Variants in CHGB observed in about 807,000 individuals in gnomAD.
The protein encoded by CHGB is chromogranin B.
CHGB carries 46 observed loss-of-function variants against 69.9 expected under a neutral mutation model. That is an observed-to-expected ratio of 0.66 (90% CI 0.52 to 0.84). The LOEUF (loss-of-function observed/expected upper bound fraction) is 0.84. Ranked by LOEUF, CHGB falls within the 40% of genes least tolerant of loss-of-function variation. CHGB has a pLI of 0.00. For missense variants in CHGB, 796 were observed against 822.2 expected (o/e 0.97, Z 0.39); for synonymous variants, 312 against 298.2 (o/e 1.05, Z -0.48).
At chr20:5,919,629 C>T (rs189964020) in intron 3 of CHGB, among the ~76,000 whole-genome samples, 151 of 152,296 alleles carry the variant, frequency 9.9e-4, no homozygotes, top group African/African-American at 3.6e-3. Flanking sequence ...ATTTTCATAT[C>T]GCCTCTGAAT....
At chr20:5,918,810 TAAAAAAAAAAAAAAAAAAAAA>T (rs71182109) in intron 3 of CHGB, among the ~76,000 whole-genome samples, 19 of 31,456 alleles carry the variant, frequency 6.0e-4, no homozygotes, top group South Asian at 2.3e-3. Flanking sequence ...AGTCTCTGTC[TAAAAAAAAAAAAAAAAAAAAA>T]AAAAAAAAAA....
chr20:5,924,527 G>A (rs1400560205), intron 4 of CHGB, among the ~76,000 whole-genome samples: 1 of 152,158 alleles, frequency 6.6e-6, no homozygotes, highest in African/African-American at 2.4e-5. Flanking sequence ...CCTGAGGCAG[G>A]GAGAATAGGT....
Position 5,923,968 on chromosome 20 carries a change from C to A in CHGB, c.1824C>A (p.Asp608Glu), listed in dbSNP as rs761869887. Residue 608 changes from aspartate to glutamate, a missense_variant, in exon 4 of 5, where the codon GAC becomes GAA. Physicochemically the swap from Asp to Glu is conservative, Grantham distance 45. Coordinates refer to ENST00000378961, the MANE Select transcript of CHGB (RefSeq NM_001819.3). ...AATATGACAGGGTGGCCCAACTGGACCAGCTCCTTCACTACAGGAAGAAGT... is the reference window on the plus strand; with the variant it reads ...AATATGACAGGGTGGCCCAACTGGAACAGCTCCTTCACTACAGGAAGAAGT... ...KRQYDRVAQL[D>E]QLLHYRKKSA... The A allele has an allele frequency of 6.2e-7, 1 of 1,614,038 alleles. No individual in the cohort carries two copies. The highest frequency in any genetic ancestry group is 1.1e-5 in the South Asian group (1 of 91,074).
At chr20:5,914,320 C>T (rs1201210838) in intron 1 of CHGB, among the ~76,000 whole-genome samples, 1 of 151,884 alleles carries the variant, frequency 6.6e-6, no homozygotes, top group East Asian at 1.9e-4. Context: ...AAAAGCAGAC[C>T]CTAGTTTTTT....
Position 5,925,110 on chromosome 20 carries a change from C to G in CHGB, c.*61C>G. ...CCATCACATGATCTGTTTTTCACCA[C>G]TTCACTGAAAGACACCATTTATCTA... On this transcript the variant is annotated 3_prime_UTR_variant, in exon 5 of 5. Coordinates refer to ENST00000378961, the MANE Select transcript of CHGB (RefSeq NM_001819.3). The G allele has an allele frequency of 1.8e-6, 2 of 1,128,800 alleles. No homozygotes were observed. Among genetic ancestry groups the G allele is most frequent in the South Asian group, 1.4e-5 (1 of 73,404 alleles). 69.9% of individuals were successfully genotyped at this position (1,128,800 alleles called of 1,614,324 possible). A position where few individuals can be genotyped will look rare whatever the true frequency, so the allele number is the denominator to read the frequency against.
rs1427971605 is a variant in CHGB, at chr20:5,923,053, A to G, written c.909A>G (p.Glu303=). ...AAGGAGGGAGTCTTCCCTCTGAGGA[A>G]AAGGGACACCCCCAGGAGGAATCTG... The part of the protein sequence containing the change: ...SSQGGSLPSE[E]KGHPQEESEE... The change falls in exon 4 of 5, where the codon GAA becomes GAG. Residue 303 remains glutamate, a synonymous_variant. Transcript: ENST00000378961. The G allele has an allele frequency of 3.7e-6, 6 of 1,613,864 alleles. No homozygotes were observed. The African/African-American group carries it at 8.0e-5, about 22-fold the overall frequency.
intron 4 of CHGB, 84 bp from the exon 5 acceptor site, chr20:5,924,888 T>A: frequency 1.3e-6 from 1 of 762,268 alleles, no homozygotes. Context: ...TGCCTAAAAT[T>A]CCCCTTTGCA....
chr20:5,921,202 AATG>A (rs1218803669), intron 3 of CHGB, among the ~76,000 whole-genome samples: 2 of 152,368 alleles, frequency 1.3e-5, no homozygotes, highest in East Asian at 3.9e-4. Flanking sequence ...TTCAACATAT[AATG>A]ATATAAAAAT....
At position 5,924,080 on chromosome 20, in the gene CHGB, A is replaced by G; in HGVS notation, c.1936A>G (p.Thr646Ala). ...AENEKDRADQTVLTEDEKKEL... is the reference protein window; with the variant it reads ...AENEKDRADQAVLTEDEKKEL... ...AAATGAAAAGGACAGGGCTGACCAG[A>G]CAGTCCTGACAGAGGACGAGGTATG... Residue 646 changes from threonine (T) to alanine (A), a missense_variant, in exon 4 of 5, where the codon ACA (threonine) becomes GCA (alanine). Physicochemically the swap from Thr to Ala is moderately conservative, Grantham distance 58. This residue lies in a region of CHGB where 274 missense variants were observed against 298.9 expected (regional missense o/e 0.92). Transcript: ENST00000378961. 1 of 1,610,274 alleles carries G rather than the reference A, an allele frequency of 6.2e-7. No homozygotes were observed. The highest frequency in any genetic ancestry group is 8.5e-7 in the Non-Finnish European group (1 of 1,178,006).
Position 5,911,607 on chromosome 20 carries a change from T to A in CHGB, c.-27T>A. On this transcript the variant is annotated 5_prime_UTR_variant, in exon 1 of 5. Coordinates refer to ENST00000378961, the MANE Select transcript of CHGB (RefSeq NM_001819.3). Reference sequence around the variant, plus strand: ...CTCCGGTCCAGCCGCCATCTTCCTTTCCGCACAGGGGCCGCCGAGCGGGGC... The same window carrying A: ...CTCCGGTCCAGCCGCCATCTTCCTTACCGCACAGGGGCCGCCGAGCGGGGC... The A allele has an allele frequency of 6.6e-7, 1 of 1,519,312 alleles. No individual in the cohort carries two copies. The allele number at this position is 1,519,312 out of a possible 1,614,324, so 94.1% of individuals were successfully genotyped here. A position where few individuals can be genotyped will look rare whatever the true frequency, so the allele number is the denominator to read the frequency against.
intron 3 of CHGB, among the ~76,000 whole-genome samples, chr20:5,921,715 C>T (rs2088514949): frequency 6.6e-6 from 1 of 152,164 alleles, no homozygotes; most frequent in Non-Finnish European, 1.5e-5. Context: ...AAATGTACAC[C>T]CTTATCACCA....
Position 5,911,762 on chromosome 20 carries a change from G to C in CHGB, c.49+80G>C, listed in dbSNP as rs570181115. On this transcript the variant is annotated intron_variant, in intron 1 of 4. Transcript: ENST00000378961. ...CCCCGCCGCTCCCGCAGCCAGGCTG[G>C]CGGATCCCGGGAGAGAGGGAGGGTT... is the stretch of plus-strand genomic sequence containing the variant. 54 of 1,283,272 alleles carry C rather than the reference G, an allele frequency of 4.2e-5. No homozygotes were observed. In the East Asian group the frequency reaches 1.5e-3, roughly 37 times the overall value. The allele number at this position is 1,283,272 out of a possible 1,614,324, so 79.5% of individuals were successfully genotyped here.
In CHGB at chr20:5,911,516, C is replaced by A; in HGVS notation, c.-118C>A. 9.0e-7 allele frequency: 1 copy of A among 1,110,600 alleles called. No individual in the cohort carries two copies. The highest frequency in any genetic ancestry group is 1.3e-6 in the Non-Finnish European group (1 of 786,004). The allele number at this position is 1,110,600 out of a possible 1,614,324, so 68.8% of individuals were successfully genotyped here. On this transcript the variant is annotated 5_prime_UTR_variant, in exon 1 of 5. Transcript: ENST00000378961. ...GGCCTGCGCCGGCCGCGCCACACCG[C>A]GGGGACCAGGAGGCACGCTGGTTTT...
intron 1 of CHGB, among the ~76,000 whole-genome samples, chr20:5,913,814 T>A (rs1166903619): frequency 2.0e-5 from 3 of 151,808 alleles, no homozygotes; most frequent in Non-Finnish European, 4.4e-5. Flanking sequence ...GTATATTTAG[T>A]AGAGATGAGG....
chr20:5,911,644 C>G lies in CHGB; in HGVS notation c.11C>G (p.Thr4Arg), dbSNP rs11558195. Reference sequence around the variant, plus strand: ...CCGCCGAGCGGGGCCATGCAGCCAACGCTGCTTCTCAGCCTCCTGGGAGCC... The same window carrying G: ...CCGCCGAGCGGGGCCATGCAGCCAAGGCTGCTTCTCAGCCTCCTGGGAGCC... MQPTLLLSLLGAVG... is the reference protein window; with the variant it reads MQPRLLLSLLGAVG... Residue 4 changes from threonine (T) to arginine (R), a missense_variant, in exon 1 of 5, where the codon ACG becomes AGG. Physicochemically the swap from Thr to Arg is moderately conservative, Grantham distance 71 (BLOSUM62 -1). Coordinates refer to ENST00000378961, the MANE Select transcript of CHGB (RefSeq NM_001819.3). 8.6e-6 allele frequency: 13 copies of G among 1,511,154 alleles called. No homozygotes were observed. The highest frequency in any genetic ancestry group is 1.1e-5 in the Non-Finnish European group (13 of 1,134,394). 93.6% of individuals were successfully genotyped at this position (1,511,154 alleles called of 1,614,324 possible).
Position 5,923,366 on chromosome 20 carries a change from G to A in CHGB, c.1222G>A (p.Glu408Lys). 1 of 1,613,900 alleles carries A rather than the reference G, an allele frequency of 6.2e-7. No individual in the cohort carries two copies. The highest frequency in any genetic ancestry group is 1.1e-5 in the South Asian group (1 of 91,078). Residue 408 changes from glutamate to lysine, a missense_variant, in exon 4 of 5, where the codon GAG becomes AAG. This residue lies in a region of CHGB where 518 missense variants were observed against 506.3 expected (regional missense o/e 1.02). Coordinates refer to ENST00000378961, the MANE Select transcript of CHGB (RefSeq NM_001819.3). ...TGGATATGGTGAAGAAAGTGAGGAA[G>A]AGAGGGGCCTTGAGCCGGGAAAGGG... is the stretch of plus-strand genomic sequence containing the variant. The part of the protein sequence containing the change: ...AHGYGEESEE[E>K]RGLEPGKGRH...
At position 5,922,980 on chromosome 20, in the gene CHGB, C is replaced by T. The variant is rs753284059; in HGVS notation, c.836C>T (p.Thr279Met). 13 of 1,609,694 alleles carry T rather than the reference C, an allele frequency of 8.1e-6. No homozygotes were observed. Among genetic ancestry groups the T allele is most frequent in the South Asian group, 6.6e-5 (6 of 90,722 alleles). The change falls in exon 4 of 5, where the codon ACG (threonine) becomes ATG (methionine). Residue 279 changes from threonine (T) to methionine (M), a missense_variant. By Grantham distance (81) the Thr-to-Met change is moderately conservative (BLOSUM62 -1). Around this residue, in one of 3 missense-constraint regions of CHGB, gnomAD observed 518 missense variants for 506.3 expected, o/e 1.02. Coordinates refer to ENST00000378961, the MANE Select transcript of CHGB (RefSeq NM_001819.3). ...DATSEVDKRR[T>M]RPRHHHGRSR... is the part of the protein sequence containing the mutation. ...ACCTCTGAGGTGGACAAACGACGCA[C>T]GAGGCCCAGACACCACCACGGGAGG...
chr20:5,913,628 C>CT (rs918275521), intron 1 of CHGB, among the ~76,000 whole-genome samples: 2,349 of 90,440 alleles, frequency 0.026, 83 homozygotes, highest in African/African-American at 0.062. Flanking sequence ...CTTTTCTTTT[C>CT]TTTTTTTTTT....
Position 5,925,116 on chromosome 20 carries a change from T to A in CHGB, c.*67T>A. 1.9e-6 allele frequency: 2 copies of A among 1,029,078 alleles called. No individual in the cohort carries two copies. Among genetic ancestry groups the A allele is most frequent in the Non-Finnish European group, 3.0e-6 (2 of 675,490 alleles). The allele number at this position is 1,029,078 out of a possible 1,614,324, so 63.7% of individuals were successfully genotyped here. ...CATGATCTGTTTTTCACCACTTCAC[T>A]GAAAGACACCATTTATCTACCCAAG... On this transcript the variant is annotated 3_prime_UTR_variant, in exon 5 of 5. Transcript: ENST00000378961.
Sources: gnomAD v4.1 joint callset for allele counts (sites outside exome capture counted in the v4.1 genomes callset) on GRCh38, gnomAD v4.1.1 for gene constraint, gnomAD v4.1.1 regional missense constraint, MANE v1.5 for transcripts, NCBI Gene and HGNC (gene_info 2026-07-23, HGNC 2026-07-21) for gene names.